Variants in ADGRE3 observed in about 807,000 individuals in gnomAD.
ADGRE3 encodes adhesion G protein-coupled receptor E3.
In ADGRE3, 88 loss-of-function variants were observed where a neutral mutation model predicts 80.1. The ratio of observed to expected loss-of-function variants is 1.10; its 90% CI spans 0.93 to 1.31. The LOEUF is 1.31. Ranked by LOEUF, ADGRE3 falls within the 40% of genes most tolerant of loss-of-function variation. ADGRE3 has a pLI of 0.00. For synonymous variants in ADGRE3, 281 were observed against 294.8 expected, an observed-to-expected ratio of 0.95 and a Z score of 0.48; for missense variants, 715 against 776.5, an observed-to-expected ratio of 0.92 and a Z score of 0.94.
chr19:14,625,476 C>G lies in ADGRE3; in HGVS notation c.1920+16G>C, dbSNP rs34381727. On this transcript the variant is annotated intron_variant, in intron 15 of 15. Transcript: ENST00000253673. ...GAGTATGTAAAACATTAGAACAATT[C>G]AGATGTTTCACTTACCTCACTGGGT... 0.32 allele frequency: 465,556 copies of G among 1,461,272 alleles called. 78,440 individuals carry two copies. Among genetic ancestry groups the G allele is most frequent in the Non-Finnish European group, 0.35 (366,773 of 1,044,368 alleles). The allele number at this position is 1,461,272 out of a possible 1,614,324, so 90.5% of individuals were successfully genotyped here.
chr19:14,657,036 C>T (rs1369823506), intron 5 of ADGRE3, among the ~76,000 whole-genome samples: 2 of 152,154 alleles, frequency 1.3e-5, no homozygotes, highest in East Asian at 1.9e-4. Context: ...GCTGGGATTA[C>T]AGGCATGCGC....
chr19:14,610,045 C>T, the ADGRE3 span: 8 of 1,599,722 alleles, frequency 5.0e-6, no homozygotes, highest in Admixed American at 1.7e-5. Flanking sequence ...TCCCTCTGCC[C>T]ACTTTTTCCT....
chr19:14,652,302 T>C (rs573110122), intron 6 of ADGRE3, among the ~76,000 whole-genome samples: 6 of 151,984 alleles, frequency 3.9e-5, no homozygotes, highest in Non-Finnish European at 8.8e-5. Flanking sequence ...TTAATAAAGC[T>C]AAAAAATGTT....
At chr19:14,634,526 CTG>C (rs1027663985) in intron 11 of ADGRE3, among the ~76,000 whole-genome samples, 6 of 152,102 alleles carry the variant, frequency 3.9e-5, no homozygotes, top group African/African-American at 9.7e-5. Context: ...TTTTTAGTAA[CTG>C]TGGTGTGATT....
intron 15 of ADGRE3, among the ~76,000 whole-genome samples, chr19:14,620,566 A>ATT (rs1568471671): frequency 1.2e-4 from 2 of 16,054 alleles, no homozygotes; most frequent in East Asian, 2.0e-3. Flanking sequence ...ATATATATAT[A>ATT]TATTTTTTTT....
At chr19:14,639,288 G>A (rs970390101) in intron 10 of ADGRE3, among the ~76,000 whole-genome samples, 4 of 152,000 alleles carry the variant, frequency 2.6e-5, no homozygotes, top group Non-Finnish European at 4.4e-5. Context: ...TTCATAATGT[G>A]TATGTCTATG....
intron 8 of ADGRE3, among the ~76,000 whole-genome samples, chr19:14,645,925 T>C (rs897349545): frequency 2.6e-5 from 4 of 152,178 alleles, no homozygotes; most frequent in Non-Finnish European, 4.4e-5. Flanking sequence ...TGAGCTATGA[T>C]TGTGCAACTG....
intron 11 of ADGRE3, among the ~76,000 whole-genome samples, chr19:14,633,695 A>C (rs1970949252): frequency 7.0e-6 from 1 of 142,288 alleles, no homozygotes; most frequent in Non-Finnish European, 1.5e-5. Context: ...ACAGACTGAG[A>C]CTCCGTCTCA....
intron 10 of ADGRE3, among the ~76,000 whole-genome samples, chr19:14,640,858 T>C (rs1383195137): frequency 6.6e-6 from 1 of 152,158 alleles, no homozygotes; most frequent in Non-Finnish European, 1.5e-5. Context: ...CCTCATTTTT[T>C]CTCTTGCAGC....
the ADGRE3 span, chr19:14,610,181 G>A: frequency 1.3e-6 from 2 of 1,570,838 alleles, no homozygotes; most frequent in South Asian, 2.3e-5. Flanking sequence ...TTTGTGAGCG[G>A]AAATGTTCCT....
At chr19:14,633,048 T>C (rs1970928904) in intron 12 of ADGRE3, 36 bp from the exon 13 acceptor site, 11 of 1,510,974 alleles carry the variant, frequency 7.3e-6, no homozygotes, top group Middle Eastern at 3.4e-4. Flanking sequence ...GAGTGCAAGT[T>C]AAAGTAATGT....
intron 10 of ADGRE3, among the ~76,000 whole-genome samples, chr19:14,640,977 T>C (rs959207279): frequency 2.0e-5 from 3 of 152,198 alleles, no homozygotes; most frequent in South Asian, 2.1e-4. Context: ...CTTGGGTATA[T>C]CTTTATCAGC....
At chr19:14,617,334 C>CTT (rs2075081493), downstream of ADGRE3, among the ~76,000 whole-genome samples, 5 of 96,578 alleles carry the variant, frequency 5.2e-5, no homozygotes, top group Non-Finnish European at 1.1e-4. Context: ...CCCTCCCTCC[C>CTT]TCCCTCCCTT....
At position 14,630,210 on chromosome 19, in the gene ADGRE3, G is replaced by C. The variant is rs778891857; in HGVS notation, c.1644-3C>G. 1.9e-6 allele frequency: 3 copies of C among 1,596,792 alleles called. No individual in the cohort carries two copies. The highest frequency in any genetic ancestry group is 2.6e-6 in the Non-Finnish European group (3 of 1,170,692). ...CTGTTGCTTTGAAAGCCAGCATCCT[G>C]GGAGGAGGAAGTCAGAGATTAGGAT... is the stretch of plus-strand genomic sequence containing the variant. On this transcript the variant is annotated splice_polypyrimidine_tract_variant and splice_region_variant and intron_variant, in intron 13 of 15. Coordinates refer to ENST00000253673, the MANE Select transcript of ADGRE3 (RefSeq NM_032571.5).
the ADGRE3 span, chr19:14,606,877 G>A: frequency 2.7e-6 from 1 of 372,520 alleles, no homozygotes; most frequent in Non-Finnish European, 4.7e-6. Context: ...GGACGGGGAC[G>A]GGTTGTGGGA....
Position 14,674,832 on chromosome 19 carries a change from A to C in ADGRE3, c.-62T>G. 1.9e-6 allele frequency: 3 copies of C among 1,556,226 alleles called. No homozygotes were observed. In the South Asian group the frequency reaches 3.4e-5, roughly 18 times the overall value. The stretch of plus-strand genomic sequence containing the variant: ...GAAGCTCTCTACTGTGCCGTAAGCC[A>C]ACCACCTTTCCTAGCTCAAGAAATC... On this transcript the variant is annotated 5_prime_UTR_variant, in exon 1 of 16. Transcript: ENST00000253673.
intron 4 of ADGRE3, 79 bp from the exon 5 acceptor site, chr19:14,658,629 TG>T: frequency 1.0e-6 from 1 of 978,250 alleles, no homozygotes; most frequent in South Asian, 2.1e-5. Flanking sequence ...GGGTAAGTAA[TG>T]GGGTGAGCAA....
In ADGRE3 at chr19:14,638,233, T is replaced by C; in HGVS notation, c.1356A>G (p.Thr452=). The C allele has an allele frequency of 1.2e-6, 2 of 1,614,122 alleles. No homozygotes were observed. Among genetic ancestry groups the C allele is most frequent in the Non-Finnish European group, 1.7e-6 (2 of 1,180,006 alleles). ...VHLFLTARNL[T]VVNYSSINRL... is the part of the protein sequence containing the mutation. ...TATTGATGCTTGAGTAGTTGACCAC[T>C]GTCAGGTTCCGTGCAGTGAGGAAGA... The change falls in exon 11 of 16, where the codon ACA becomes ACG. Residue 452 remains threonine, a synonymous_variant. Transcript: ENST00000253673.
rs756788578 is a variant in ADGRE3, at chr19:14,655,028, CA to C, written c.530del (p.Leu177Ter). 6.2e-7 allele frequency: 1 copy of C among 1,613,836 alleles called. No individual in the cohort carries two copies. Among genetic ancestry groups the C allele is most frequent in the Admixed American group, 1.7e-5 (1 of 59,944 alleles). On this transcript the variant is annotated frameshift_variant, in exon 6 of 16. Coordinates refer to ENST00000253673, the MANE Select transcript of ADGRE3 (RefSeq NM_032571.5). LOFTEE classifies it high-confidence loss of function. ...DVESKVLETALKDPEQKVLKI... is the reference protein window; with the variant it reads ...DVESKVLETAXKDPEQKVLKI... ...TCAGGACTTTTTGTTCTGGATCTTT[CA>C]AGGCAGTTTCTAGAACTTTCGATTC...
Sources: allele counts gnomAD v4.1 joint callset (sites outside exome capture counted in the v4.1 genomes callset), GRCh38; gene constraint gnomAD v4.1.1; transcripts MANE v1.5; gene names NCBI Gene and HGNC (gene_info 2026-07-23, HGNC 2026-07-21).